The following CYP4F22 variants were observed in gnomAD, a reference collection of about 807,000 sequenced individuals.
CYP4F22 encodes the protein cytochrome P450 family 4 subfamily F member 22.
A neutral mutation model predicts 60.4 loss-of-function variants in CYP4F22; 37 were observed. The ratio of observed to expected loss-of-function variants is 0.61; its 90% CI spans 0.47 to 0.81. The LOEUF is 0.81. CYP4F22 is among the 30% of genes least tolerant of loss of function. CYP4F22 has a pLI of 0.00. For missense variants in CYP4F22, 655 were observed against 715.0 expected (o/e 0.92, Z 0.96); for synonymous variants, 258 against 280.5 (o/e 0.92, Z 0.80).
chr19:15,541,591 T>C (rs1263179830), intron 8 of CYP4F22, among the ~76,000 whole-genome samples: 1 of 152,018 alleles, frequency 6.6e-6, no homozygotes, highest in Non-Finnish European at 1.5e-5. Flanking sequence ...ATGAAATACA[T>C]GACCTTGGGC....
intron 8 of CYP4F22, 149 bp from the exon 9 acceptor site, chr19:15,543,822 A>G (rs1971490219): frequency 1.2e-6 from 1 of 846,166 alleles, no homozygotes; most frequent in Non-Finnish European, 1.9e-6. Context: ...GTGCCACCGC[A>G]CTCCAGCCTG....
chr19:15,537,763 C>A, intron 6 of CYP4F22, 101 bp downstream of exon 6: 1 of 1,607,738 alleles, frequency 6.2e-7, no homozygotes. Context: ...GGAGCCCTCA[C>A]TGACTTTATC....
intron 3 of CYP4F22, among the ~76,000 whole-genome samples, chr19:15,526,468 T>C (rs1416592156): frequency 6.6e-6 from 1 of 152,212 alleles, no homozygotes; most frequent in East Asian, 1.9e-4. Context: ...CCTTTTTAAT[T>C]TTGCAGATAT....
intron 8 of CYP4F22, among the ~76,000 whole-genome samples, chr19:15,540,960 G>A (rs562403554): frequency 8.2e-4 from 125 of 152,224 alleles, no homozygotes; most frequent in African/African-American, 2.9e-3. Flanking sequence ...GCATGCCTAT[G>A]GTCCCAGCTA....
intron 4 of CYP4F22, among the ~76,000 whole-genome samples, chr19:15,536,547 G>A (rs1568359915): frequency 6.6e-6 from 1 of 152,260 alleles, no homozygotes; most frequent in East Asian, 1.9e-4. Context: ...GGCCATTCAT[G>A]AGGGACACAC....
intron 10 of CYP4F22, 104 bp from the exon 11 acceptor site, chr19:15,547,986 AGAGAGAGAGGGAGAGAGT>A (rs1449516387): frequency 4.9e-5 from 35 of 721,642 alleles, no homozygotes; most frequent in Middle Eastern, 3.6e-4. Context: ...AGAGAGAGAG[AGAGAGAGAGGGAGAGAGT>A]GTGTGTGTGT....
intron 1 of CYP4F22, among the ~76,000 whole-genome samples, chr19:15,509,468 T>G (rs1971057704): frequency 6.6e-6 from 1 of 152,018 alleles, no homozygotes; most frequent in Non-Finnish European, 1.5e-5. Context: ...CTCCACCCCT[T>G]ATTTCTAGGT....
intron 1 of CYP4F22, among the ~76,000 whole-genome samples, chr19:15,521,939 G>A (rs1971230842): frequency 6.6e-6 from 1 of 151,912 alleles, no homozygotes; most frequent in South Asian, 2.1e-4. Flanking sequence ...GAGGTGAGGA[G>A]TTCGAGACCA....
intron 1 of CYP4F22, among the ~76,000 whole-genome samples, chr19:15,516,414 T>G (rs1971155456): frequency 1.3e-5 from 2 of 152,228 alleles, no homozygotes; most frequent in South Asian, 2.1e-4. Context: ...ATTTAGATTG[T>G]GAGGTCTTGC....
Position 15,537,639 on chromosome 19 carries a change from A to C in CYP4F22, c.526A>C (p.Asn176His), listed in dbSNP as rs1971412863. ...CCTGAAGCCTTACATGAAGATCTTCAACCAGAGCGCTGACATTATGCATGT... is the reference window on the plus strand; with the variant it reads ...CCTGAAGCCTTACATGAAGATCTTCCACCAGAGCGCTGACATTATGCATGT... ...DILKPYMKIF[N>H]QSADIMHAKW... Residue 176 changes from asparagine (N) to histidine (H), a missense_variant, in exon 6 of 14, where the codon AAC (asparagine) becomes CAC (histidine). This residue lies in a region of CYP4F22 where 430 missense variants were observed against 457.1 expected (regional missense o/e 0.94). Coordinates refer to ENST00000269703, the MANE Select transcript of CYP4F22 (RefSeq NM_173483.4). 1.9e-6 allele frequency: 3 copies of C among 1,613,512 alleles called. No individual in the cohort carries two copies. The highest frequency in any genetic ancestry group is 2.7e-5 in the African/African-American group (2 of 74,896).
At chr19:15,515,395 CT>C in intron 1 of CYP4F22, 1 of 1,233,892 alleles carries the variant, frequency 8.1e-7, no homozygotes, top group Non-Finnish European at 1.2e-6. Context: ...CATCTCTGTA[CT>C]TTGTTGGTCC....
At chr19:15,547,243 T>C (rs1409277814) in intron 10 of CYP4F22, among the ~76,000 whole-genome samples, 1 of 151,618 alleles carries the variant, frequency 6.6e-6, no homozygotes, top group Non-Finnish European at 1.5e-5. Context: ...CAGACTGATC[T>C]TGAACTCCTG....
chr19:15,510,545 A>T (rs1316450168), intron 1 of CYP4F22, among the ~76,000 whole-genome samples: 1 of 152,174 alleles, frequency 6.6e-6, no homozygotes, highest in East Asian at 1.9e-4. Context: ...ATCTTTTCTG[A>T]GGCTCATGTC....
At chr19:15,533,461 T>G (rs187794619) in intron 4 of CYP4F22, among the ~76,000 whole-genome samples, 1 of 152,194 alleles carries the variant, frequency 6.6e-6, no homozygotes, top group Non-Finnish European at 1.5e-5. Context: ...TCTGTCTCTA[T>G]GTATTTGCCT....
chr19:15,541,777 G>A (rs1487724328), intron 8 of CYP4F22, among the ~76,000 whole-genome samples: 1 of 151,182 alleles, frequency 6.6e-6, no homozygotes, highest in Non-Finnish European at 1.5e-5. Flanking sequence ...CTACTCGGGA[G>A]GTTGAGGCAA....
At chr19:15,523,274 C>T (rs1177442919) in intron 1 of CYP4F22, among the ~76,000 whole-genome samples, 4 of 152,042 alleles carry the variant, frequency 2.6e-5, no homozygotes, top group East Asian at 3.9e-4. Flanking sequence ...GTGGGAGAAT[C>T]GCTTGAACCC....
At chr19:15,540,361 A>G (rs1047809911) in intron 7 of CYP4F22, 89 bp from the exon 8 acceptor site, 25 of 1,503,976 alleles carry the variant, frequency 1.7e-5, no homozygotes, top group Non-Finnish European at 2.2e-5. Context: ...TATCTATTCA[A>G]TGGGGACAGG....
intron 1 of CYP4F22, among the ~76,000 whole-genome samples, chr19:15,519,297 C>G (rs2144503973): frequency 6.6e-6 from 1 of 150,902 alleles, no homozygotes; most frequent in South Asian, 2.1e-4. Context: ...GAGTCTCACT[C>G]TGTCACCCAG....
rs371459332 is a variant in CYP4F22, at chr19:15,525,476, G to A, written c.140G>A (p.Arg47Lys). 6.2e-6 allele frequency: 10 copies of A among 1,614,050 alleles called. No homozygotes were observed. The highest frequency in any genetic ancestry group is 8.5e-6 in the Non-Finnish European group (10 of 1,180,012). Residue 47 changes from arginine (R) to lysine (K), a missense_variant, in exon 3 of 14, where the codon AGG (arginine) becomes AAG (lysine). Physicochemically the swap from Arg to Lys is conservative, Grantham distance 26. Transcript: ENST00000269703. ...RLLLRFLRLC[R>K]SFYITCRRLR... ...CTGCTGCGGTTCCTGAGGCTCTGCA[G>A]GAGCTTCTACATCACCTGCCGCCGG...
Sources: gnomAD v4.1 joint callset for allele counts (sites outside exome capture counted in the v4.1 genomes callset) on GRCh38, gnomAD v4.1.1 for gene constraint, gnomAD v4.1.1 regional missense constraint, MANE v1.5 for transcripts, NCBI Gene and HGNC (gene_info 2026-07-23, HGNC 2026-07-21) for gene names.